Variants in TRIOBP observed in about 807,000 individuals in gnomAD.
TRIOBP encodes the protein TRIO and F-actin-binding protein.
Under a neutral mutation model 238.8 loss-of-function variants are expected in TRIOBP, and 169 were observed. The observed-to-expected ratio is 0.71, with a 90% CI of 0.62 to 0.80. TRIOBP has a LOEUF of 0.80. Ranked by LOEUF, TRIOBP falls within the 30% of genes least tolerant of loss-of-function variation. The probability of loss-of-function intolerance (pLI) is 0.00; values close to 1 mark genes in which losing one functional copy is unlikely to be tolerated. For missense variants in TRIOBP, 2,838 were observed against 3,122.6 expected (o/e 0.91, Z 2.17); for synonymous variants, 1,150 against 1,274.4 (o/e 0.90, Z 2.08).
intron 6 of TRIOBP, among the ~76,000 whole-genome samples, chr22:37,719,962 C>CCACCCTGCACTCACTGTTTCACTCAT (rs1923732368): frequency 1.8e-5 from 1 of 54,870 alleles, no homozygotes; most frequent in South Asian, 5.1e-4. Context: ...ACCTCAGGCC[C>CCACCCTGCACTCACTGTTTCACTCAT]CACACTGCAC....
intron 17 of TRIOBP, among the ~76,000 whole-genome samples, chr22:37,762,759 G>T (rs532517404): frequency 5.9e-5 from 9 of 152,280 alleles, no homozygotes; most frequent in Admixed American, 2.6e-4. Context: ...GGGAGGAGGC[G>T]GATGGAAATT....
chr22:37,769,516 C>A, intron 21 of TRIOBP, 141 bp downstream of exon 21: 1 of 807,400 alleles, frequency 1.2e-6, no homozygotes, highest in Non-Finnish European at 2.1e-6. Flanking sequence ...TAGGCTAGAA[C>A]ACCTACTGTG....
intron 17 of TRIOBP, among the ~76,000 whole-genome samples, chr22:37,764,408 T>C (rs566721405): frequency 2.6e-5 from 4 of 152,334 alleles, no homozygotes; most frequent in South Asian, 2.1e-4. Context: ...TTGGGATCTT[T>C]TTCCACAGCA....
intron 3 of TRIOBP, among the ~76,000 whole-genome samples, chr22:37,708,972 C>G (rs537251391): frequency 1.3e-3 from 202 of 152,300 alleles, no homozygotes; most frequent in African/African-American, 4.4e-3. Flanking sequence ...GGCAGAGACC[C>G]CTGGTTGATG....
chr22:37,709,318 G>A (rs1291867402), intron 3 of TRIOBP, among the ~76,000 whole-genome samples: 5 of 152,182 alleles, frequency 3.3e-5, no homozygotes, highest in Admixed American at 2.6e-4. Flanking sequence ...TGCCCCTCCC[G>A]GCTCTCAGGT....
chr22:37,727,028 T>G (rs1204019256), intron 7 of TRIOBP, among the ~76,000 whole-genome samples: 4 of 151,772 alleles, frequency 2.6e-5, no homozygotes, highest in Non-Finnish European at 4.4e-5. Context: ...TGCCTCAGCC[T>G]CCCGAGTAGC....
rs147995627 is a variant in TRIOBP, at chr22:37,705,437, G to A, written c.114+3958G>A. On this transcript the variant is annotated intron_variant, in intron 3 of 23. Coordinates refer to ENST00000644935, the MANE Select transcript of TRIOBP (RefSeq NM_001039141.3). ...GAGGCAGAAAGGAGGCTGCACATCG[G>A]GCTGGAGAGGACAGGCAAGAGGGGG... Among the ~76,000 whole-genome samples the A allele has an allele frequency of 4.8e-3, 735 of 152,162 alleles. 3 individuals are homozygous for A. Among genetic ancestry groups the A allele is most frequent in the Middle Eastern group, 0.048 (14 of 294 alleles).
In TRIOBP at chr22:37,723,616, C is replaced by T; in HGVS notation, c.1060C>T (p.Pro354Ser). The change falls in exon 7 of 24, where the codon CCC becomes TCC. Residue 354 changes from proline (P) to serine (S), a missense_variant. Physicochemically the swap from Pro to Ser is moderately conservative, Grantham distance 74. This residue lies in a region of TRIOBP where 535 missense variants were observed against 537.3 expected (regional missense o/e 1.00). Coordinates refer to ENST00000644935, the MANE Select transcript of TRIOBP (RefSeq NM_001039141.3). ...CTCACGAAGCACCCAACTGGATAAC[C>T]CCAGAACCTCTTCTACCCAGCAGGA... ...SPSRSTQLDN[P>S]RTSSTQQDNP... The T allele has an allele frequency of 2.5e-6, 4 of 1,614,126 alleles. No homozygotes were observed. Among genetic ancestry groups the T allele is most frequent in the Non-Finnish European group, 3.4e-6 (4 of 1,180,028 alleles).
intron 7 of TRIOBP, 25 bp from the exon 8 acceptor site, chr22:37,733,273 G>A (rs1371351043): frequency 6.6e-7 from 1 of 1,519,130 alleles, no homozygotes; most frequent in Non-Finnish European, 8.9e-7. Context: ...CAGTCCCTCA[G>A]AGGAGTGGCT....
At chr22:37,701,112 T>G (rs1315359124) in intron 2 of TRIOBP, among the ~76,000 whole-genome samples, 194 bp from the exon 3 acceptor site, 1 of 152,182 alleles carries the variant, frequency 6.6e-6, no homozygotes, top group Non-Finnish European at 1.5e-5. Context: ...GAGTGCCTGG[T>G]GCTTAGTAGG....
In TRIOBP at chr22:37,776,548, C is replaced by T. The variant is rs751537533; in HGVS notation, c.*2768C>T. 9 of 152,168 alleles carry T rather than the reference C, an allele frequency of 5.9e-5. No homozygotes were observed. Among genetic ancestry groups the T allele is most frequent in the Non-Finnish European group, 8.8e-5 (6 of 68,020 alleles). 9.4% of individuals were successfully genotyped at this position (152,168 alleles called of 1,614,324 possible). On this transcript the variant is annotated 3_prime_UTR_variant, in exon 24 of 24. Coordinates refer to ENST00000644935, the MANE Select transcript of TRIOBP (RefSeq NM_001039141.3). ...AGTAGTAGAATGAATAAATTGTGGT[C>T]GATTCATACGTTAGAATACAGCAAT...
At chr22:37,732,667 T>C (rs1924483323) in intron 7 of TRIOBP, among the ~76,000 whole-genome samples, 1 of 152,048 alleles carries the variant, frequency 6.6e-6, no homozygotes, top group South Asian at 2.1e-4. Flanking sequence ...TGGGATTCTG[T>C]TGGTTAACAG....
rs555062092 is a variant in TRIOBP at position 37,768,163 on chromosome 22, C to T, written c.6562C>T (p.Arg2188Trp). 95 of 1,612,274 alleles carry T rather than the reference C, an allele frequency of 5.9e-5. No homozygotes were observed. Among genetic ancestry groups the T allele is most frequent in the Non-Finnish European group, 7.5e-5 (89 of 1,179,192 alleles). ...TCTCCAGCAGGGCCCGGATGGCCTCCGGAAGCAGCACCAGTAAGATGATGC... is the reference window on the plus strand; with the variant it reads ...TCTCCAGCAGGGCCCGGATGGCCTCTGGAAGCAGCACCAGTAAGATGATGC... ...RSLQQGPDGL[R>W]KQHQSDVEAL... Residue 2188 changes from arginine to tryptophan, a missense_variant, in exon 19 of 24, where the codon CGG (arginine) becomes TGG (tryptophan). Physicochemically the swap from Arg to Trp is moderately radical, Grantham distance 101 (BLOSUM62 -3). Coordinates refer to ENST00000644935, the MANE Select transcript of TRIOBP (RefSeq NM_001039141.3).
chr22:37,771,570 A>G (rs1247563801), intron 21 of TRIOBP, 80 bp from the exon 22 acceptor site: 11 of 1,294,042 alleles, frequency 8.5e-6, no homozygotes, highest in Non-Finnish European at 1.2e-5. Flanking sequence ...TGAGGCAGAG[A>G]GAACCCGGGC....
chr22:37,771,974 T>G (rs1279490225), intron 22 of TRIOBP: 1 of 623,480 alleles, frequency 1.6e-6, no homozygotes, highest in Non-Finnish European at 2.9e-6. Flanking sequence ...CATTATTTAA[T>G]TTATTGATTA....
At chr22:37,740,525 T>A (rs1451986243) in intron 10 of TRIOBP, among the ~76,000 whole-genome samples, 1 of 152,134 alleles carries the variant, frequency 6.6e-6, no homozygotes, top group Non-Finnish European at 1.5e-5. Context: ...TCTTTCGATA[T>A]TTCAAGAAAC....
intron 6 of TRIOBP, among the ~76,000 whole-genome samples, chr22:37,720,297 G>T (rs370043111): frequency 2.6e-5 from 4 of 151,960 alleles, no homozygotes; most frequent in African/African-American, 9.7e-5. Context: ...GATTACAGGC[G>T]TGAGTGACCG....
chr22:37,721,049 T>C (rs1235176819), intron 6 of TRIOBP, among the ~76,000 whole-genome samples: 2 of 151,616 alleles, frequency 1.3e-5, no homozygotes, highest in African/African-American at 4.8e-5. Flanking sequence ...TTTTGTATTT[T>C]TAGTAGAGAT....
chr22:37,772,656 T>C lies in TRIOBP; in HGVS notation c.6992T>C (p.Ile2331Thr). 6.2e-7 allele frequency: 1 copy of C among 1,614,086 alleles called. No individual in the cohort carries two copies. The highest frequency in any genetic ancestry group is 2.2e-5 in the East Asian group (1 of 44,862). The change falls in exon 23 of 24, where the codon ATC becomes ACC. Residue 2331 changes from isoleucine to threonine, a missense_variant. Coordinates refer to ENST00000644935, the MANE Select transcript of TRIOBP (RefSeq NM_001039141.3). ...YQDVYVELSH[I>T]KTRSEREIEQ... ...GACGTCTATGTGGAGCTGAGCCACATCAAGACACGGTCTGAGCGGGAGATC... is the reference window on the plus strand; with the variant it reads ...GACGTCTATGTGGAGCTGAGCCACACCAAGACACGGTCTGAGCGGGAGATC...
Sources: gnomAD v4.1 joint callset for allele counts (sites outside exome capture counted in the v4.1 genomes callset) on GRCh38, gnomAD v4.1.1 for gene constraint, gnomAD v4.1.1 regional missense constraint, MANE v1.5 for transcripts, NCBI Gene and HGNC (gene_info 2026-07-23, HGNC 2026-07-21) for gene names.